RBFOX1: variants seen among roughly 807,000 people sequenced by gnomAD.
The protein encoded by RBFOX1 is RNA binding fox-1 homolog 1.
Under a neutral mutation model 57.7 loss-of-function variants are expected in RBFOX1, and 8 were observed. The ratio of observed to expected loss-of-function variants is 0.14; its 90% CI spans 0.08 to 0.25. The LOEUF is 0.25. Ranked by LOEUF, RBFOX1 falls within the 10% of genes least tolerant of loss-of-function variation. The pLI, the probability that RBFOX1 is intolerant of heterozygous loss-of-function variation, is 1.00. For missense variants in RBFOX1, 611 were observed against 548.5 expected, an observed-to-expected ratio of 1.11 and a Z score of -1.14; for synonymous variants, 326 against 222.4, an observed-to-expected ratio of 1.47 and a Z score of -4.15.
At chr16:6,846,796 T>G (rs1241209798) in intron 3 of RBFOX1, among the ~76,000 whole-genome samples, 1 of 152,132 alleles carries the variant, frequency 6.6e-6, no homozygotes, top group Non-Finnish European at 1.5e-5. Context: ...TATTTTTTAT[T>G]TATTCATTTG....
intron 3 of RBFOX1, among the ~76,000 whole-genome samples, chr16:5,646,749 C>G (rs896479651): frequency 4.6e-5 from 7 of 152,120 alleles, no homozygotes; most frequent in African/African-American, 1.7e-4. Flanking sequence ...ATTCTCCTGC[C>G]TTAGCCTCCC....
At chr16:5,388,353 G>C (rs186773282) in intron 1 of RBFOX1, among the ~76,000 whole-genome samples, 55 of 152,278 alleles carry the variant, frequency 3.6e-4, no homozygotes, top group South Asian at 2.5e-3. Flanking sequence ...GCGACAACAA[G>C]CTTTTTCTAT....
At position 6,450,806 on chromosome 16, in the gene RBFOX1, T is replaced by TAC. The variant is rs1309157466; in HGVS notation, c.-64+133750_-64+133751insCA. Among the ~76,000 whole-genome samples the TAC allele has an allele frequency of 1.0e-2, 172 of 17,252 alleles. 17 individuals are homozygous for TAC. Among genetic ancestry groups the TAC allele is most frequent in the African/African-American group, 0.068 (163 of 2,396 alleles). The allele number at this position is 17,252 out of a possible 152,430, so 11.3% of individuals were successfully genotyped here. On this transcript the variant is annotated intron_variant, in intron 2 of 15. Transcript: ENST00000550418. ...ATATATATACATATATATATGTATA[T>TAC]ATATATATATACATATATATATATA...
chr16:5,635,295 G>A (rs536430446), intron 3 of RBFOX1, among the ~76,000 whole-genome samples: 1 of 152,134 alleles, frequency 6.6e-6, no homozygotes, highest in Non-Finnish European at 1.5e-5. Context: ...TCTACACAGG[G>A]ATCATACAAA....
intron 3 of RBFOX1, among the ~76,000 whole-genome samples, chr16:5,844,695 T>A (rs370584646): frequency 6.6e-6 from 1 of 152,236 alleles, no homozygotes; most frequent in Non-Finnish European, 1.5e-5. Flanking sequence ...TTCTCTGCCT[T>A]CTTAGAATCG....
At chr16:6,053,800 A>G (rs140201363) in intron 1 of RBFOX1, among the ~76,000 whole-genome samples, 4 of 152,248 alleles carry the variant, frequency 2.6e-5, no homozygotes, top group Non-Finnish European at 5.9e-5. Context: ...CCCCATACCT[A>G]TAATTCTAGC....
chr16:6,655,860 T>A (rs895293500), intron 3 of RBFOX1, among the ~76,000 whole-genome samples: 47 of 152,230 alleles, frequency 3.1e-4, no homozygotes, highest in African/African-American at 1.1e-3. Context: ...CTGGGGCATG[T>A]CTGCTGATTA....
At chr16:5,392,720 T>C (rs987096678) in intron 1 of RBFOX1, among the ~76,000 whole-genome samples, 2 of 151,958 alleles carry the variant, frequency 1.3e-5, no homozygotes, top group Non-Finnish European at 2.9e-5. Flanking sequence ...AAGAAACAAA[T>C]GCAGATGTAG....
intron 1 of RBFOX1, among the ~76,000 whole-genome samples, chr16:5,268,085 A>G (rs2062907543): frequency 6.6e-6 from 1 of 152,146 alleles, no homozygotes. Flanking sequence ...TGTCAAAAAA[A>G]AAAAAAGATG....
At chr16:5,492,644 T>C (rs1229540676) in intron 2 of RBFOX1, among the ~76,000 whole-genome samples, 1 of 152,136 alleles carries the variant, frequency 6.6e-6, no homozygotes, top group East Asian at 1.9e-4. Flanking sequence ...GAGTGAGTCG[T>C]TTGGATGAAA....
intron 3 of RBFOX1, among the ~76,000 whole-genome samples, chr16:6,879,113 C>A (rs928599930): frequency 6.6e-6 from 1 of 152,192 alleles, no homozygotes; most frequent in Non-Finnish European, 1.5e-5. Context: ...GAATATATTA[C>A]AGTTTGACCT....
chr16:6,817,288 C>T (rs940279533), intron 3 of RBFOX1, among the ~76,000 whole-genome samples: 1 of 152,084 alleles, frequency 6.6e-6, no homozygotes, highest in African/African-American at 2.4e-5. Flanking sequence ...TGTGTCATAG[C>T]TTCAAACACA....
At position 5,402,195 on chromosome 16, in the gene RBFOX1, G is replaced by T. The variant is rs148856223; in HGVS notation, c.220-65021G>T. Among the ~76,000 whole-genome samples the T allele has an allele frequency of 8.5e-5, 13 of 152,180 alleles. No individual in the cohort carries two copies. In the East Asian group the frequency reaches 2.3e-3, roughly 27 times the overall value. ...TGGAGAGGGACTCTGTGACAGGCTG[G>T]GTCACTTGGCTAAGACACCCCAGCG... On this transcript the variant is annotated intron_variant, in intron 1 of 2. Coordinates refer to the RBFOX1 transcript ENST00000585867.
chr16:5,947,906 G>A lies in RBFOX1; in HGVS notation c.351+80571G>A, dbSNP rs1567178753. The stretch of plus-strand genomic sequence containing the variant: ...GTTTATGTAATTATTAGTTTGAATG[G>A]CTCTGCTCATTATGGTACAGAATTT... On this transcript the variant is annotated intron_variant, in intron 4 of 19. Transcript: ENST00000641259. The surrounding 1 kb of genome is among the most constrained non-coding windows in gnomAD (Gnocchi z 7.2). Among the ~76,000 whole-genome samples the A allele has an allele frequency of 6.6e-6, 1 of 152,194 alleles. No individual in the cohort carries two copies. Among genetic ancestry groups the A allele is most frequent in the African/African-American group, 2.4e-5 (1 of 41,454 alleles).
chr16:6,124,884 AT>A (rs1366133380), intron 1 of RBFOX1, among the ~76,000 whole-genome samples: 2 of 152,106 alleles, frequency 1.3e-5, no homozygotes, highest in Non-Finnish European at 2.9e-5. Context: ...AAACAAGCAG[AT>A]TTTTAACCAT....
chr16:6,046,305 A>G (rs1252214145), intron 1 of RBFOX1, among the ~76,000 whole-genome samples: 1 of 152,138 alleles, frequency 6.6e-6, no homozygotes, highest in Non-Finnish European at 1.5e-5. Flanking sequence ...GGGATGAGGA[A>G]AAGGGAGGAA....
intron 1 of RBFOX1, among the ~76,000 whole-genome samples, chr16:5,292,112 C>T (rs879210917): frequency 3.3e-5 from 5 of 151,442 alleles, no homozygotes; most frequent in Non-Finnish European, 5.9e-5. Context: ...ATGAGAAATG[C>T]GGAATGCTAT....
At chr16:5,510,115 C>T (rs2151719958) in intron 2 of RBFOX1, among the ~76,000 whole-genome samples, 1 of 152,324 alleles carries the variant, frequency 6.6e-6, no homozygotes, top group East Asian at 1.9e-4. Context: ...TGGATGCAGG[C>T]TGAACCTACG....
At chr16:7,350,765 G>A (rs1456643053) in intron 4 of RBFOX1, among the ~76,000 whole-genome samples, 1 of 152,184 alleles carries the variant, frequency 6.6e-6, no homozygotes, top group Non-Finnish European at 1.5e-5. Flanking sequence ...GGGATGTGGG[G>A]TAACAGAAAA....
Sources: gnomAD v4.1 joint callset for allele counts (sites outside exome capture counted in the v4.1 genomes callset) on GRCh38, gnomAD v4.1.1 for gene constraint, Gnocchi (gnomAD v3.1) non-coding constraint, MANE v1.5 for transcripts, NCBI Gene and HGNC (gene_info 2026-07-23, HGNC 2026-07-21) for gene names.